Variants in NAALADL2 observed in about 807,000 individuals in gnomAD.
NAALADL2 encodes the protein N-acetylated alpha-linked acidic dipeptidase like 2, also known as inactive N-acetylated-alpha-linked acidic dipeptidase-like protein 2.
A neutral mutation model predicts 87.2 loss-of-function variants in NAALADL2; 76 were observed. The ratio of observed to expected loss-of-function variants is 0.87; its 90% CI spans 0.72 to 1.05. The LOEUF (loss-of-function observed/expected upper bound fraction) is 1.05, where lower values mean the gene tolerates loss of function less well. Ranked by LOEUF, NAALADL2 falls within the 50% of genes least tolerant of loss-of-function variation. NAALADL2 has a pLI of 0.00. For missense variants in NAALADL2, 1,089 were observed against 945.8 expected (o/e 1.15, Z -1.99); for synonymous variants, 354 against 331.0 (o/e 1.07, Z -0.75).
intron 2 of NAALADL2, among the ~76,000 whole-genome samples, chr3:175,100,907 T>C (rs145502717): frequency 6.7e-6 from 1 of 150,316 alleles, no homozygotes; most frequent in East Asian, 2.0e-4. Context: ...CGGCAAATCA[T>C]ATTTCAATGG....
chr3:175,587,218 T>C (rs566161061), intron 10 of NAALADL2, among the ~76,000 whole-genome samples: 1 of 150,360 alleles, frequency 6.7e-6, no homozygotes, highest in African/African-American at 2.5e-5. Flanking sequence ...ATTCATTCAA[T>C]TGACTGAAAG....
At chr3:174,468,649 G>T (rs1716688782) in intron 1 of NAALADL2, among the ~76,000 whole-genome samples, 1 of 151,656 alleles carries the variant, frequency 6.6e-6, no homozygotes, top group Admixed American at 6.6e-5. Flanking sequence ...CCAAAGTGCT[G>T]GGATTACAGG....
chr3:175,725,629 T>C (rs1410234111), intron 11 of NAALADL2, among the ~76,000 whole-genome samples: 2 of 152,062 alleles, frequency 1.3e-5, no homozygotes, highest in Non-Finnish European at 2.9e-5. Flanking sequence ...AGAAAAGGGC[T>C]TGGAAAAAAA....
chr3:175,772,517 T>C (rs969645607), intron 13 of NAALADL2, among the ~76,000 whole-genome samples: 1 of 152,172 alleles, frequency 6.6e-6, no homozygotes, highest in Non-Finnish European at 1.5e-5. Flanking sequence ...GACAGTTCAT[T>C]CTAGTAGTAG....
chr3:175,100,959 A>T (rs549194235), intron 2 of NAALADL2, among the ~76,000 whole-genome samples: 1 of 151,494 alleles, frequency 6.6e-6, no homozygotes, highest in Non-Finnish European at 1.5e-5. Flanking sequence ...AGGCTTGGAG[A>T]GGGGAGAAGC....
Position 175,802,791 on chromosome 3 carries a change from G to A in NAALADL2, c.2190-214G>A, listed in dbSNP as rs557023771. Among the ~76,000 whole-genome samples, 15 of 151,806 alleles carry A rather than the reference G, an allele frequency of 9.9e-5. 1 individual carries two copies. The highest frequency in any genetic ancestry group is 3.6e-4 in the African/African-American group (15 of 41,440). On this transcript the variant is annotated intron_variant, in intron 13 of 13. Coordinates refer to ENST00000454872, the MANE Select transcript of NAALADL2 (RefSeq NM_207015.3). ...TTCCATCAGGAGGCATATAATTTCT[G>A]ATCATTTCTCTCTTTCTCATCAATA...
chr3:175,451,316 C>T (rs1326383720), intron 6 of NAALADL2, among the ~76,000 whole-genome samples: 2 of 151,612 alleles, frequency 1.3e-5, no homozygotes, highest in Admixed American at 6.6e-5. Context: ...GCATTTGTAT[C>T]GCTGCGAGAA....
At chr3:174,758,650 T>A (rs1712463800) in intron 3 of NAALADL2, among the ~76,000 whole-genome samples, 1 of 152,186 alleles carries the variant, frequency 6.6e-6, no homozygotes, top group African/African-American at 2.4e-5. Context: ...TGCCTTACAA[T>A]CGACTGTGGG....
intron 1 of NAALADL2, among the ~76,000 whole-genome samples, chr3:175,047,022 A>C (rs72622550): frequency 0.2 from 30,648 of 152,096 alleles, 3,332 homozygotes; most frequent in East Asian, 0.38. Flanking sequence ...CCATCTTCTT[A>C]CTGTGTCCTC....
At chr3:175,146,246 G>C (rs1176075616) in intron 2 of NAALADL2, among the ~76,000 whole-genome samples, 1 of 151,818 alleles carries the variant, frequency 6.6e-6, no homozygotes, top group Non-Finnish European at 1.5e-5. Context: ...ATTTATTTTA[G>C]GTAACTACTA....
Position 175,067,348 on chromosome 3 carries a change from A to C in NAALADL2, c.44-29442A>C, listed in dbSNP as rs114040030. On this transcript the variant is annotated intron_variant, in intron 1 of 13. Coordinates refer to ENST00000454872, the MANE Select transcript of NAALADL2 (RefSeq NM_207015.3). The stretch of plus-strand genomic sequence containing the variant: ...GAATGTATTTGCAAACTATGCATCC[A>C]ACCCAGGACTAATATCTAGATTTCA... Among the ~76,000 whole-genome samples the C allele has an allele frequency of 8.7e-4, 133 of 152,214 alleles. 1 individual carries two copies. Among genetic ancestry groups the C allele is most frequent in the Admixed American group, 2.2e-3 (34 of 15,276 alleles).
intron 5 of NAALADL2, among the ~76,000 whole-genome samples, chr3:175,419,864 C>T (rs1364766574): frequency 2.6e-5 from 4 of 151,838 alleles, no homozygotes; most frequent in African/African-American, 9.7e-5. Flanking sequence ...TTCCAGTGTC[C>T]AATTTTTTTA....
At position 175,192,912 on chromosome 3, in the gene NAALADL2, C is replaced by CATTTT. The variant is rs550270239; in HGVS notation, c.546-41017_546-41013dup. ...ACAATATGATAAAAAAAACCCTGCA[C>CATTTT]ATTTTAGAGTTGAAATAGACCTTGG... On this transcript the variant is annotated intron_variant, in intron 2 of 13. Transcript: ENST00000454872. Among the ~76,000 whole-genome samples, 400 of 151,560 alleles carry CATTTT rather than the reference C, an allele frequency of 2.6e-3. 1 individual carries two copies. Among genetic ancestry groups the CATTTT allele is most frequent in the African/African-American group, 9.2e-3 (380 of 41,408 alleles).
At position 174,950,613 on chromosome 3, in the gene NAALADL2, C is replaced by CT. The variant is rs529069968; in HGVS notation, c.43+91170dup. ...ATGGTGTTCTTGAAGAGTTCAAAGC[C>CT]TTTTTTTAAAATAGTCATCCTAGAA... On this transcript the variant is annotated intron_variant, in intron 1 of 13. Transcript: ENST00000454872. 5.0e-3 allele frequency among the ~76,000 whole-genome samples: 753 copies of CT among 152,016 alleles called. 4 individuals are homozygous for CT. The highest frequency in any genetic ancestry group is 0.017 in the African/African-American group (715 of 41,472).
At chr3:175,630,877 A>T (rs954613271) in intron 11 of NAALADL2, among the ~76,000 whole-genome samples, 1 of 151,632 alleles carries the variant, frequency 6.6e-6, no homozygotes, top group Non-Finnish European at 1.5e-5. Context: ...AATACTTGGT[A>T]AAATTATGAA....
chr3:174,605,423 G>C (rs1471500357), intron 2 of NAALADL2, among the ~76,000 whole-genome samples: 1 of 152,196 alleles, frequency 6.6e-6, no homozygotes, highest in Non-Finnish European at 1.5e-5. Context: ...TCAAAGAAAG[G>C]GGTGACAGAC....
chr3:175,444,302 G>C (rs1720317004), intron 5 of NAALADL2, among the ~76,000 whole-genome samples: 2 of 152,182 alleles, frequency 1.3e-5, no homozygotes, highest in Admixed American at 6.5e-5. Context: ...TAATGGCTGA[G>C]AGAGAAAACA....
intron 2 of NAALADL2, among the ~76,000 whole-genome samples, chr3:175,154,364 T>C (rs971880261): frequency 1.3e-4 from 20 of 152,176 alleles, no homozygotes; most frequent in African/African-American, 4.3e-4. Context: ...TTAATTCTTA[T>C]AGAGACAACA....
chr3:174,762,007 T>C (rs979621131), intron 3 of NAALADL2, among the ~76,000 whole-genome samples: 4 of 152,164 alleles, frequency 2.6e-5, no homozygotes, highest in African/African-American at 9.7e-5. Context: ...TTTAGAGTTA[T>C]ACATCTCTGG....
Sources: gnomAD v4.1 joint callset for allele counts (sites outside exome capture counted in the v4.1 genomes callset) on GRCh38, gnomAD v4.1.1 for gene constraint, MANE v1.5 for transcripts, NCBI Gene and HGNC (gene_info 2026-07-23, HGNC 2026-07-21) for gene names.